The following FAM222B variants were observed in gnomAD, a reference collection of about 807,000 sequenced individuals.
The protein encoded by FAM222B is family with sequence similarity 222 member B.
In FAM222B, 12 loss-of-function variants were observed where a neutral mutation model predicts 38.0. The observed-to-expected ratio is 0.32, with a 90% confidence interval of 0.20 to 0.51. The LOEUF (loss-of-function observed/expected upper bound fraction) is 0.51, where lower values mean the gene tolerates loss of function less well. FAM222B is among the 20% of genes least tolerant of loss of function. The pLI is 0.97. For missense variants in FAM222B, 716 were observed against 754.2 expected (o/e 0.95, Z 0.59); for synonymous variants, 329 against 317.2 (o/e 1.04, Z -0.40).
intron 1 of FAM222B, among the ~76,000 whole-genome samples, chr17:28,788,340 C>T (rs1439372021): frequency 1.3e-5 from 2 of 151,946 alleles, no homozygotes; most frequent in Non-Finnish European, 2.9e-5. Flanking sequence ...CTAGGCTTAA[C>T]GGATCTTCTT....
At position 28,756,726 on chromosome 17, in the gene FAM222B, C is replaced by CT. The variant is rs751631265; in HGVS notation, c.*1543dup. ...TATCATTTGGCATAACACAATCAGG[C>CT]TTTTTTTTTTTTCTTTTTCCTTTTA... On this transcript the variant is annotated 3_prime_UTR_variant, in exon 3 of 3. Transcript: ENST00000581407. 1,241 of 145,316 alleles carry CT rather than the reference C, an allele frequency of 8.5e-3. 8 individuals carry two copies. The highest frequency in any genetic ancestry group is 0.018 in the Middle Eastern group (5 of 272). 9.0% of individuals were successfully genotyped at this position (145,316 alleles called of 1,614,324 possible). A position where few individuals can be genotyped will look rare whatever the true frequency, so the allele number is the denominator to read the frequency against.
At chr17:28,836,851 G>C (rs1443252382) in intron 1 of FAM222B, among the ~76,000 whole-genome samples, 4 of 152,104 alleles carry the variant, frequency 2.6e-5, no homozygotes, top group African/African-American at 9.7e-5. Context: ...TTGGGCATAA[G>C]ACCCATATTG....
At chr17:28,829,354 A>G (rs1294296084) in intron 1 of FAM222B, among the ~76,000 whole-genome samples, 1 of 151,896 alleles carries the variant, frequency 6.6e-6, no homozygotes, top group South Asian at 2.1e-4. Flanking sequence ...TATTTTTAGT[A>G]GAGACAGGGT....
At chr17:28,766,481 G>T in intron 2 of FAM222B, 105 bp downstream of exon 2, 18 of 818,536 alleles carry the variant, frequency 2.2e-5, no homozygotes, top group Non-Finnish European at 3.2e-5. Flanking sequence ...AAAGAAAGGT[G>T]TCAAAATTCA....
At chr17:28,773,477 C>T (rs1846443280) in intron 1 of FAM222B, among the ~76,000 whole-genome samples, 2 of 86,676 alleles carry the variant, frequency 2.3e-5, no homozygotes, top group South Asian at 4.7e-4. Flanking sequence ...GAAACTCTGT[C>T]TCAAAAAAAA....
chr17:28,793,806 TGC>T (rs1164522847), intron 1 of FAM222B, among the ~76,000 whole-genome samples: 1 of 149,330 alleles, frequency 6.7e-6, no homozygotes, highest in Non-Finnish European at 1.5e-5. Context: ...AGTGCAATGG[TGC>T]GATACGGGCT....
At chr17:28,802,231 G>A (rs1281411202) in intron 1 of FAM222B, among the ~76,000 whole-genome samples, 2 of 151,916 alleles carry the variant, frequency 1.3e-5, no homozygotes, top group African/African-American at 4.8e-5. Flanking sequence ...CCGAGTAGCT[G>A]GGATTACAAG....
chr17:28,786,802 T>C lies in FAM222B; in HGVS notation c.-40-20095A>G, dbSNP rs117629971. 1.3e-3 allele frequency among the ~76,000 whole-genome samples: 193 copies of C among 151,934 alleles called. 2 individuals carry two copies. The East Asian group carries it at 0.031, about 25-fold the overall frequency. The stretch of plus-strand genomic sequence containing the variant: ...GTTCTCTGTGCACAACGCCTTGCCA[T>C]ACATTGCTAGTGAAGAGTTTCAGAA... On this transcript the variant is annotated intron_variant, in intron 1 of 2. Coordinates refer to ENST00000581407, the MANE Select transcript of FAM222B (RefSeq NM_001077498.3).
chr17:28,783,003 C>T (rs558220046), intron 1 of FAM222B, among the ~76,000 whole-genome samples: 8 of 151,112 alleles, frequency 5.3e-5, no homozygotes, highest in African/African-American at 1.2e-4. Flanking sequence ...CCGGGTGAGG[C>T]GGTGGGTGCC....
rs533234178 is a variant in FAM222B, at chr17:28,756,090, T to C, written c.*2180A>G. 7 of 152,600 alleles carry C rather than the reference T, an allele frequency of 4.6e-5. No homozygotes were observed. The East Asian group carries it at 5.8e-4, about 13-fold the overall frequency. 9.5% of individuals were successfully genotyped at this position (152,600 alleles called of 1,614,324 possible). On this transcript the variant is annotated 3_prime_UTR_variant, in exon 3 of 3. Coordinates refer to ENST00000581407, the MANE Select transcript of FAM222B (RefSeq NM_001077498.3). ...GAGAATGAATGCTACAGTATGTGGA[T>C]AGAATGGGGAATCCAGGTATTCCCT...
At chr17:28,821,959 C>T (rs989365973) in intron 1 of FAM222B, among the ~76,000 whole-genome samples, 13 of 151,910 alleles carry the variant, frequency 8.6e-5, no homozygotes, top group South Asian at 4.2e-4. Flanking sequence ...AGCAAGAGTC[C>T]GTCTCAAAAT....
At chr17:28,829,234 G>T (rs1387552808) in intron 1 of FAM222B, among the ~76,000 whole-genome samples, 1 of 131,108 alleles carries the variant, frequency 7.6e-6, no homozygotes, top group Non-Finnish European at 1.6e-5. Flanking sequence ...TTTTTTTTGA[G>T]ACGTGGTTTC....
intron 2 of FAM222B, among the ~76,000 whole-genome samples, chr17:28,761,071 C>T (rs982239225): frequency 6.6e-6 from 1 of 152,220 alleles, no homozygotes; most frequent in African/African-American, 2.4e-5. Context: ...TGTCAGCTGT[C>T]ATTTTCCAAA....
intron 1 of FAM222B, among the ~76,000 whole-genome samples, chr17:28,805,057 AAAG>A (rs2037418244): frequency 6.6e-6 from 1 of 151,306 alleles, no homozygotes; most frequent in South Asian, 2.1e-4. Context: ...GGAAAAAAAA[AAAG>A]AAAGAAACTA....
intron 1 of FAM222B, among the ~76,000 whole-genome samples, chr17:28,775,991 G>A (rs1005550338): frequency 1.3e-5 from 2 of 150,874 alleles, no homozygotes; most frequent in African/African-American, 2.4e-5. Context: ...CACGAGAGTC[G>A]TTTGAACCCA....
chr17:28,757,041 T>G lies in FAM222B; in HGVS notation c.*1229A>C, dbSNP rs72847568. 2,508 of 152,750 alleles carry G rather than the reference T, an allele frequency of 0.016. 32 individuals are homozygous for G. The highest frequency in any genetic ancestry group is 0.027 in the Non-Finnish European group (1,811 of 68,024). The allele number at this position is 152,750 out of a possible 1,614,324, so 9.5% of individuals were successfully genotyped here. A position where few individuals can be genotyped will look rare whatever the true frequency, so the allele number is the denominator to read the frequency against. ...CAGAAAAGTGTTTCTAGCCAACTAA[T>G]TGTCGCTTGGGATGAGACGTGCTGA... On this transcript the variant is annotated 3_prime_UTR_variant, in exon 3 of 3. Transcript: ENST00000581407.
In FAM222B at chr17:28,759,182, G is replaced by A. The variant is rs200634308; in HGVS notation, c.777C>T (p.His259=). ...TGCTACTCAGGTCCGGAGGCTGGCT[G>A]TGCTGCAGAGTGGCCGCCATTGAAA... ...IPLSMAATLQ[H]SQPPDLSSIV... is the part of the protein sequence containing the mutation. The change falls in exon 3 of 3, where the codon CAC becomes CAT. Residue 259 remains histidine, a synonymous_variant. Transcript: ENST00000581407. The surrounding 1 kb of genome is among the most constrained non-coding windows in gnomAD (Gnocchi z 4.8). 4.5e-5 allele frequency: 73 copies of A among 1,613,294 alleles called. 2 individuals are homozygous for A. In the Admixed American group the frequency reaches 1.0e-3, roughly 22 times the overall value.
intron 1 of FAM222B, among the ~76,000 whole-genome samples, chr17:28,824,275 C>G (rs898932392): frequency 2.6e-5 from 4 of 151,930 alleles, no homozygotes; most frequent in African/African-American, 2.4e-5. Flanking sequence ...ACCTCCACCC[C>G]CTGGGCTCAA....
At chr17:28,782,022 C>A (rs778669010) in intron 1 of FAM222B, among the ~76,000 whole-genome samples, 17 of 152,108 alleles carry the variant, frequency 1.1e-4, no homozygotes, top group Admixed American at 2.0e-4. Flanking sequence ...AATGGCAGTC[C>A]CATAAGATCA....
Sources: allele counts gnomAD v4.1 joint callset (sites outside exome capture counted in the v4.1 genomes callset), GRCh38; gene constraint gnomAD v4.1.1; non-coding constraint Gnocchi (gnomAD v3.1); transcripts MANE v1.5; gene names NCBI Gene and HGNC (gene_info 2026-07-23, HGNC 2026-07-21).